PDE4D: variants seen among roughly 807,000 people sequenced by gnomAD.
The protein encoded by PDE4D is 3',5'-cyclic-AMP phosphodiesterase 4D.
In PDE4D, 24 loss-of-function variants were observed where a neutral mutation model predicts 87.4. The ratio of observed to expected loss-of-function variants is 0.27; its 90% CI spans 0.20 to 0.39. PDE4D has a LOEUF of 0.39. Among genes scored for constraint, PDE4D ranks in the 10% least tolerant of loss-of-function variants. PDE4D has a pLI of 1.00. For synonymous variants in PDE4D, 384 were observed against 383.2 expected, an observed-to-expected ratio of 1.00 and a Z score of -0.02; for missense variants, 714 against 1,041.0, an observed-to-expected ratio of 0.69 and a Z score of 4.32.
intron 1 of PDE4D, among the ~76,000 whole-genome samples, chr5:60,378,810 A>T (rs1761630978): frequency 6.6e-6 from 1 of 152,018 alleles, no homozygotes; most frequent in Non-Finnish European, 1.5e-5. Context: ...CCTAGAGAGC[A>T]CCACTGCACT....
chr5:60,515,411 T>G (rs1225842422), intron 1 of PDE4D, among the ~76,000 whole-genome samples: 1 of 152,104 alleles, frequency 6.6e-6, no homozygotes, highest in Non-Finnish European at 1.5e-5. Flanking sequence ...CCCCATTAAT[T>G]TACATCTTTA....
Position 59,175,471 on chromosome 5 carries a change from C to CTTTT in PDE4D, c.808+5120_808+5123dup, listed in dbSNP as rs563138575. ...TTCGGAACTCTATCCATTTTTCTTT[C>CTTTT]TTTTTTTTTTTTTTTTTTTTTTTTT... On this transcript the variant is annotated intron_variant, in intron 5 of 14. Transcript: ENST00000340635. 3.8e-3 allele frequency among the ~76,000 whole-genome samples: 348 copies of CTTTT among 91,202 alleles called. 2 individuals are homozygous for CTTTT. The highest frequency in any genetic ancestry group is 9.1e-3 in the East Asian group (22 of 2,422). The allele number at this position is 91,202 out of a possible 152,430, so 59.8% of individuals were successfully genotyped here. A position where few individuals can be genotyped will look rare whatever the true frequency, so the allele number is the denominator to read the frequency against.
intron 1 of PDE4D, among the ~76,000 whole-genome samples, chr5:59,220,377 C>CAAAAAAAAAAAAAAAAAAAAAAA (rs57610513): frequency 2.8e-5 from 1 of 36,156 alleles, no homozygotes; most frequent in African/African-American, 6.5e-5. Flanking sequence ...GACTCTGTCT[C>CAAAAAAAAAAAAAAAAAAAAAAA]AAAAAAAAAA....
chr5:59,592,787 G>A (rs1290023167), intron 1 of PDE4D, among the ~76,000 whole-genome samples: 1 of 151,970 alleles, frequency 6.6e-6, no homozygotes, highest in African/African-American at 2.4e-5. Flanking sequence ...TTCACAGCAA[G>A]TTTAAAGACA....
At chr5:59,650,810 T>G (rs1489450601) in intron 1 of PDE4D, among the ~76,000 whole-genome samples, 1 of 152,072 alleles carries the variant, frequency 6.6e-6, no homozygotes, top group Non-Finnish European at 1.5e-5. Flanking sequence ...CTCCATAATT[T>G]GATGTTTTTG....
intron 1 of PDE4D, among the ~76,000 whole-genome samples, chr5:60,513,134 T>C (rs945416363): frequency 7.2e-5 from 11 of 152,202 alleles, no homozygotes; most frequent in South Asian, 6.2e-4. Context: ...ATTACATAAA[T>C]CACAAACATT....
chr5:59,762,565 T>C (rs1762220386), intron 1 of PDE4D, among the ~76,000 whole-genome samples: 1 of 143,042 alleles, frequency 7.0e-6, no homozygotes, highest in Non-Finnish European at 1.5e-5. Context: ...TACACATATG[T>C]GTATATGTGT....
intron 1 of PDE4D, among the ~76,000 whole-genome samples, chr5:59,680,789 G>A (rs920253499): frequency 1.3e-5 from 2 of 152,032 alleles, no homozygotes; most frequent in Non-Finnish European, 2.9e-5. Context: ...ATAATATATT[G>A]TGAATAATGG....
chr5:59,768,745 G>T, intron 1 of PDE4D: 1 of 974,712 alleles, frequency 1.0e-6, no homozygotes, highest in Non-Finnish European at 1.4e-6. Context: ...AAAGATCACT[G>T]ACAAGCTCGC....
At chr5:60,408,905 C>T (rs528132986) in intron 1 of PDE4D, among the ~76,000 whole-genome samples, 148 of 152,254 alleles carry the variant, frequency 9.7e-4, no homozygotes, top group African/African-American at 3.5e-3. Context: ...TGTTAATAAT[C>T]ATAATGATTC....
At chr5:59,870,839 A>G (rs1003882441) in intron 1 of PDE4D, among the ~76,000 whole-genome samples, 1 of 152,188 alleles carries the variant, frequency 6.6e-6, no homozygotes, top group Admixed American at 6.5e-5. Flanking sequence ...GAAACCTAAC[A>G]ATGGGAAGAC....
intron 1 of PDE4D, among the ~76,000 whole-genome samples, chr5:59,320,057 T>G (rs1774436669): frequency 6.6e-6 from 1 of 151,944 alleles, no homozygotes; most frequent in South Asian, 2.1e-4. Context: ...TAGGATAGTC[T>G]TGGTCACATC....
intron 1 of PDE4D, among the ~76,000 whole-genome samples, chr5:59,646,286 A>G (rs1387872864): frequency 6.6e-6 from 1 of 152,224 alleles, no homozygotes. Flanking sequence ...GTCAACTACC[A>G]TAGTTTCCCT....
chr5:60,424,719 A>G (rs13436399), intron 1 of PDE4D, among the ~76,000 whole-genome samples: 1 of 152,342 alleles, frequency 6.6e-6, no homozygotes, highest in East Asian at 1.9e-4. Flanking sequence ...AGGGAATTCA[A>G]TTAGCAAAAG....
intron 1 of PDE4D, among the ~76,000 whole-genome samples, chr5:59,740,717 C>A (rs1371273937): frequency 1.3e-5 from 2 of 152,122 alleles, no homozygotes; most frequent in African/African-American, 4.8e-5. Flanking sequence ...TAAAGAGGGG[C>A]AAGCACAGCA....
chr5:60,176,267 C>T (rs1783889863), intron 2 of PDE4D, among the ~76,000 whole-genome samples: 1 of 152,130 alleles, frequency 6.6e-6, no homozygotes, highest in Admixed American at 6.6e-5. Flanking sequence ...CAAATGATGC[C>T]ATCCTCTTTC....
chr5:59,858,047 G>A (rs556750818), intron 1 of PDE4D, among the ~76,000 whole-genome samples: 1 of 152,184 alleles, frequency 6.6e-6, no homozygotes, highest in Admixed American at 6.5e-5. Flanking sequence ...CATGCAGGCA[G>A]GCAGGAAGTC....
At chr5:59,062,881 C>T (rs543704527) in intron 5 of PDE4D, among the ~76,000 whole-genome samples, 2 of 152,044 alleles carry the variant, frequency 1.3e-5, no homozygotes, top group East Asian at 3.9e-4. Flanking sequence ...TACATAGGCT[C>T]ACATAAGTGA....
intron 1 of PDE4D, among the ~76,000 whole-genome samples, chr5:59,242,454 A>G (rs887951546): frequency 4.6e-5 from 7 of 152,112 alleles, no homozygotes; most frequent in African/African-American, 1.7e-4. Flanking sequence ...CTCAATTTCA[A>G]CTCCACTGGG....
Sources: allele counts gnomAD v4.1 joint callset (sites outside exome capture counted in the v4.1 genomes callset), GRCh38; gene constraint gnomAD v4.1.1; transcripts MANE v1.5; gene names NCBI Gene and HGNC (gene_info 2026-07-23, HGNC 2026-07-21).